ADAM22: variants seen among roughly 807,000 people sequenced by gnomAD.
The protein encoded by ADAM22 is ADAM metallopeptidase domain 22.
A neutral mutation model predicts 144.6 loss-of-function variants in ADAM22; 65 were observed. That is an observed-to-expected ratio of 0.45 (90% CI 0.37 to 0.55). ADAM22 has a LOEUF of 0.55. ADAM22 is among the 20% of genes least tolerant of loss of function. The probability of loss-of-function intolerance (pLI) is 0.00; values close to 1 mark genes in which losing one functional copy is unlikely to be tolerated. For missense variants in ADAM22, 974 were observed against 1,184.9 expected, an observed-to-expected ratio of 0.82 and a Z score of 2.61; for synonymous variants, 391 against 412.6, an observed-to-expected ratio of 0.95 and a Z score of 0.63.
intron 3 of ADAM22, among the ~76,000 whole-genome samples, chr7:88,034,003 C>A (rs540870277): frequency 6.6e-6 from 1 of 152,108 alleles, no homozygotes. Flanking sequence ...AAGCCTGGGA[C>A]CTAGTACTTC....
intron 4 of ADAM22, among the ~76,000 whole-genome samples, chr7:88,080,614 G>T (rs1385020488): frequency 3.3e-5 from 5 of 151,890 alleles, no homozygotes; most frequent in Non-Finnish European, 7.4e-5. Context: ...GACTAATAAA[G>T]AAGAAAAGAG....
chr7:88,078,590 A>G (rs1358780732), intron 4 of ADAM22, among the ~76,000 whole-genome samples: 1 of 152,190 alleles, frequency 6.6e-6, no homozygotes, highest in East Asian at 1.9e-4. Flanking sequence ...AAGAAGTTAA[A>G]AACTTTGAAA....
chr7:88,014,965 T>C (rs1238098682), intron 3 of ADAM22, among the ~76,000 whole-genome samples: 1 of 152,202 alleles, frequency 6.6e-6, no homozygotes, highest in Non-Finnish European at 1.5e-5. Context: ...TGTAGAACTC[T>C]CCAGGTGATT....
chr7:88,063,386 G>A (rs575766332), intron 3 of ADAM22, among the ~76,000 whole-genome samples: 1 of 152,164 alleles, frequency 6.6e-6, no homozygotes, highest in African/African-American at 2.4e-5. Context: ...CAGGACAAAA[G>A]ATGAAGAAGT....
intron 3 of ADAM22, among the ~76,000 whole-genome samples, chr7:88,019,016 T>C (rs1354151951): frequency 2.6e-5 from 4 of 152,164 alleles, no homozygotes; most frequent in African/African-American, 9.7e-5. Flanking sequence ...CATGACATAT[T>C]ATACATAGTG....
Position 88,162,911 on chromosome 7 carries a change from A to G in ADAM22, c.1908-101A>G, listed in dbSNP as rs576584068. ...TACTGGTCTTTAATAAGTAATAAAT[A>G]GAATAGAGGAAGCAATATTGCCTGC... On this transcript the variant is annotated intron_variant, in intron 22 of 31. Coordinates refer to ENST00000413139, the MANE Select transcript of ADAM22 (RefSeq NM_001324418.2). 8.2e-5 allele frequency: 102 copies of G among 1,242,384 alleles called. No homozygotes were observed. The African/African-American group carries it at 1.0e-3, about 13-fold the overall frequency. The allele number at this position is 1,242,384 out of a possible 1,614,324, so 77.0% of individuals were successfully genotyped here.
In ADAM22 at chr7:88,145,244, A is replaced by G. The variant is rs767774058; in HGVS notation, c.1392+48A>G. ...GATATTTTCTAGGTAATTCAGGGTC[A>G]TTCCAGGTCCACACACTGAGATGTA... On this transcript the variant is annotated intron_variant, in intron 16 of 31. Transcript: ENST00000413139. 5 of 1,597,480 alleles carry G rather than the reference A, an allele frequency of 3.1e-6. 1 individual carries two copies. The South Asian group carries it at 5.5e-5, about 18-fold the overall frequency.
intron 2 of ADAM22, among the ~76,000 whole-genome samples, chr7:87,954,939 C>T (rs1846266305): frequency 6.6e-6 from 1 of 152,220 alleles, no homozygotes; most frequent in South Asian, 2.1e-4. Context: ...GCTCCTGAGG[C>T]TTCTGCATTC....
At chr7:88,156,095 A>T in intron 22 of ADAM22, 89 bp downstream of exon 22, 1 of 1,430,158 alleles carries the variant, frequency 7.0e-7, no homozygotes, top group Non-Finnish European at 9.7e-7. Context: ...ATTAATGTAC[A>T]TGTTAGTAGG....
At chr7:88,055,896 T>C (rs1373282948) in intron 3 of ADAM22, among the ~76,000 whole-genome samples, 1 of 152,244 alleles carries the variant, frequency 6.6e-6, no homozygotes, top group Non-Finnish European at 1.5e-5. Context: ...CCAAGTTTTC[T>C]TATCTTCAAC....
intron 6 of ADAM22, among the ~76,000 whole-genome samples, chr7:88,114,850 C>T (rs189394539): frequency 6.6e-5 from 10 of 152,210 alleles, no homozygotes; most frequent in East Asian, 3.9e-4. Context: ...AAGTAAAAAA[C>T]GTATTTAATA....
At chr7:88,188,779 T>A (rs1244942792) in intron 30 of ADAM22, among the ~76,000 whole-genome samples, 1 of 152,232 alleles carries the variant, frequency 6.6e-6, no homozygotes, top group Non-Finnish European at 1.5e-5. Context: ...AACCCTATGC[T>A]TAGGCTCAGA....
chr7:87,952,708 G>T (rs1468779633), intron 2 of ADAM22, among the ~76,000 whole-genome samples: 1 of 152,092 alleles, frequency 6.6e-6, no homozygotes, highest in Non-Finnish European at 1.5e-5. Context: ...AATAGTTTCA[G>T]AAGGAATGGT....
chr7:88,102,575 T>A (rs2129486766), intron 4 of ADAM22, among the ~76,000 whole-genome samples: 1 of 152,302 alleles, frequency 6.6e-6, no homozygotes, highest in South Asian at 2.1e-4. Context: ...CAACCAAGGT[T>A]GAGAACCTCC....
intron 30 of ADAM22, among the ~76,000 whole-genome samples, chr7:88,190,300 C>T (rs910418314): frequency 3.3e-5 from 5 of 151,896 alleles, no homozygotes; most frequent in Non-Finnish European, 7.4e-5. Context: ...TTTGGGAGGC[C>T]GAGATGGGTG....
At chr7:88,193,453 GTAAT>G (rs1160893206) in intron 31 of ADAM22, among the ~76,000 whole-genome samples, 1 of 152,172 alleles carries the variant, frequency 6.6e-6, no homozygotes, top group African/African-American at 2.4e-5. Flanking sequence ...TACATTTTGT[GTAAT>G]TAATTGCTAT....
chr7:87,950,591 A>G (rs557114005), intron 2 of ADAM22, among the ~76,000 whole-genome samples: 3 of 150,118 alleles, frequency 2.0e-5, no homozygotes, highest in East Asian at 1.9e-4. Flanking sequence ...TAATGCTGCA[A>G]TAAACATATG....
intron 2 of ADAM22, among the ~76,000 whole-genome samples, chr7:87,972,704 C>A (rs185565106): frequency 6.6e-6 from 1 of 152,138 alleles, no homozygotes; most frequent in Non-Finnish European, 1.5e-5. Flanking sequence ...GCTACAGTAA[C>A]CAAAACAGCA....
rs540717372 is a variant in ADAM22, at chr7:87,953,421, G to C, written c.246+18235G>C. On this transcript the variant is annotated intron_variant, in intron 2 of 31. Coordinates refer to ENST00000413139, the MANE Select transcript of ADAM22 (RefSeq NM_001324418.2). ...TGTATCCAGTAGTCATTCAGGAGCA[G>C]GTTGTTCAGTTTCCATGTAGTTGAG... Among the ~76,000 whole-genome samples, 563 of 152,230 alleles carry C rather than the reference G, an allele frequency of 3.7e-3. 3 individuals carry two copies. Among genetic ancestry groups the C allele is most frequent in the African/African-American group, 0.013 (540 of 41,534 alleles).
Sources: allele counts gnomAD v4.1 joint callset (sites outside exome capture counted in the v4.1 genomes callset), GRCh38; gene constraint gnomAD v4.1.1; transcripts MANE v1.5; gene names NCBI Gene and HGNC (gene_info 2026-07-23, HGNC 2026-07-21).